Variants in ZNRF3 observed in about 807,000 individuals in gnomAD.
The protein encoded by ZNRF3 is zinc and ring finger 3.
In ZNRF3, 23 loss-of-function variants were observed where a neutral mutation model predicts 72.5. The observed-to-expected ratio is 0.32, with a 90% CI of 0.23 to 0.45. The LOEUF is 0.45. ZNRF3 is among the 20% of genes least tolerant of loss of function. ZNRF3 has a pLI of 1.00. For synonymous variants in ZNRF3, 610 were observed against 545.3 expected (o/e 1.12, Z -1.65); for missense variants, 1,169 against 1,272.1 (o/e 0.92, Z 1.23).
At chr22:28,906,052 TG>T (rs1395418530) in intron 1 of ZNRF3, among the ~76,000 whole-genome samples, 4 of 152,210 alleles carry the variant, frequency 2.6e-5, no homozygotes, top group Admixed American at 1.3e-4. Flanking sequence ...AGGCTAAGCA[TG>T]GTGGCTCACG....
At chr22:28,885,788 A>G (rs572187391) in intron 1 of ZNRF3, among the ~76,000 whole-genome samples, 2 of 152,290 alleles carry the variant, frequency 1.3e-5, no homozygotes, top group African/African-American at 4.8e-5. Flanking sequence ...ATTTAATACA[A>G]AATTAGCAGT....
At chr22:29,001,059 CTTTTTTTTT>C (rs773296494) in intron 2 of ZNRF3, among the ~76,000 whole-genome samples, 262 of 77,940 alleles carry the variant, frequency 3.4e-3, no homozygotes, top group South Asian at 6.3e-3. Flanking sequence ...AAAGCTTTGC[CTTTTTTTTT>C]TTTTTTTTTT....
At position 29,048,251 on chromosome 22, in the gene ZNRF3, G is replaced by T; in HGVS notation, c.913-138G>T. On this transcript the variant is annotated intron_variant, in intron 6 of 8. Transcript: ENST00000544604. This position sits in a 1 kb window ranked among gnomAD's most constrained non-coding sequence, Gnocchi z 4.9. Reference sequence around the variant, plus strand: ...GTGGGCCCTGCTTCTAGGGAATTGAGCCCTAATTGGAGGTGGGGAGGAGAG... The same window carrying T: ...GTGGGCCCTGCTTCTAGGGAATTGATCCCTAATTGGAGGTGGGGAGGAGAG... 1.6e-6 allele frequency: 1 copy of T among 621,188 alleles called. No homozygotes were observed. The highest frequency in any genetic ancestry group is 2.8e-5 in the Admixed American group (1 of 35,242). 38.5% of individuals were successfully genotyped at this position (621,188 alleles called of 1,614,324 possible). A position where few individuals can be genotyped will look rare whatever the true frequency, so the allele number is the denominator to read the frequency against.
At chr22:28,987,783 G>A (rs1049716919) in intron 2 of ZNRF3, among the ~76,000 whole-genome samples, 1 of 151,978 alleles carries the variant, frequency 6.6e-6, no homozygotes, top group Admixed American at 6.5e-5. Context: ...TTGCTGCCAA[G>A]TAAGTTATGG....
chr22:28,978,702 C>T (rs1486085642), intron 1 of ZNRF3, among the ~76,000 whole-genome samples: 1 of 151,688 alleles, frequency 6.6e-6, no homozygotes, highest in Non-Finnish European at 1.5e-5. Flanking sequence ...TCTTGTTTCA[C>T]CTTCACCACC....
chr22:28,952,998 TC>T (rs1481109290), intron 1 of ZNRF3, among the ~76,000 whole-genome samples: 1 of 152,224 alleles, frequency 6.6e-6, no homozygotes, highest in Non-Finnish European at 1.5e-5. Context: ...GTATCAGGTT[TC>T]TGCTTAACTT....
intron 1 of ZNRF3, among the ~76,000 whole-genome samples, chr22:28,959,816 T>C (rs1273478787): frequency 1.3e-5 from 2 of 152,146 alleles, no homozygotes; most frequent in Admixed American, 1.3e-4. Flanking sequence ...TGCTCTCTCT[T>C]TCTCCCCTTG....
At chr22:28,957,596 T>C (rs1160850181) in intron 1 of ZNRF3, among the ~76,000 whole-genome samples, 4 of 151,898 alleles carry the variant, frequency 2.6e-5, no homozygotes, top group Admixed American at 1.3e-4. Flanking sequence ...CACACCACCA[T>C]GTCCAGCTAA....
At chr22:28,977,558 CTG>C (rs2035697373) in intron 1 of ZNRF3, among the ~76,000 whole-genome samples, 1 of 152,182 alleles carries the variant, frequency 6.6e-6, no homozygotes, top group South Asian at 2.1e-4. Context: ...ATGTGAGACT[CTG>C]TACCACAGCG....
In ZNRF3 at chr22:29,050,812, G is replaced by C. The variant is rs776952963; in HGVS notation, c.2631G>C (p.Glu877Asp). The C allele has an allele frequency of 1.2e-6, 2 of 1,608,162 alleles. No individual in the cohort carries two copies. Among genetic ancestry groups the C allele is most frequent in the South Asian group, 2.2e-5 (2 of 90,612 alleles). ...HRGLGATREE[E>D]RALCCQARAL... ...GCCTGGGAGCAACCCGGGAAGAGGA[G>C]CGGGCTCTGTGCTGCCAGGCTAGGG... is the stretch of plus-strand genomic sequence containing the variant. The change falls in exon 8 of 9, where the codon GAG (glutamate) becomes GAC (aspartate). Residue 877 changes from glutamate to aspartate, a missense_variant. Physicochemically the swap from Glu to Asp is conservative, Grantham distance 45 (BLOSUM62 2). Transcript: ENST00000544604.
At chr22:28,938,079 C>T (rs1335767097) in intron 1 of ZNRF3, among the ~76,000 whole-genome samples, 1 of 152,084 alleles carries the variant, frequency 6.6e-6, no homozygotes, top group Non-Finnish European at 1.5e-5. Flanking sequence ...AATGTATTTT[C>T]ATAGGATTCA....
intron 1 of ZNRF3, among the ~76,000 whole-genome samples, chr22:28,979,175 G>A (rs1314284652): frequency 6.6e-6 from 1 of 152,186 alleles, no homozygotes; most frequent in Non-Finnish European, 1.5e-5. Flanking sequence ...TCAACAGGCT[G>A]GTTGCAAAGC....
chr22:28,903,111 C>T (rs2034138187), intron 1 of ZNRF3, among the ~76,000 whole-genome samples: 1 of 152,204 alleles, frequency 6.6e-6, no homozygotes, highest in Non-Finnish European at 1.5e-5. Flanking sequence ...GCTCATTTCT[C>T]CGATTCCCAG....
Position 29,049,060 on chromosome 22 carries a change from G to A in ZNRF3, c.1016-137G>A. 1 of 986,058 alleles carries A rather than the reference G, an allele frequency of 1.0e-6. No homozygotes were observed. The highest frequency in any genetic ancestry group is 1.5e-6 in the Non-Finnish European group (1 of 664,580). The allele number at this position is 986,058 out of a possible 1,614,324, so 61.1% of individuals were successfully genotyped here. A position where few individuals can be genotyped will look rare whatever the true frequency, so the allele number is the denominator to read the frequency against. On this transcript the variant is annotated intron_variant, in intron 7 of 8. Coordinates refer to ENST00000544604, the MANE Select transcript of ZNRF3 (RefSeq NM_001206998.2). The surrounding 1 kb of genome is among the most constrained non-coding windows in gnomAD (Gnocchi z 5.2). ...CTCTGCCGCTGCAGCTCAGTTTGGG[G>A]GCAGGGTTGTGAGAATGGGTACCTT...
intron 2 of ZNRF3, among the ~76,000 whole-genome samples, chr22:29,028,927 T>C (rs562360157): frequency 6.6e-6 from 1 of 152,264 alleles, no homozygotes; most frequent in African/African-American, 2.4e-5. Flanking sequence ...TCCAAACCAT[T>C]CCCAGCATCC....
chr22:29,011,988 G>C (rs2036355341), intron 2 of ZNRF3, among the ~76,000 whole-genome samples: 1 of 152,204 alleles, frequency 6.6e-6, no homozygotes, highest in South Asian at 2.1e-4. Flanking sequence ...CCACAGCCGG[G>C]GGACCCTGCA....
At chr22:28,998,896 C>G (rs2036093047) in intron 2 of ZNRF3, among the ~76,000 whole-genome samples, 1 of 152,142 alleles carries the variant, frequency 6.6e-6, no homozygotes, top group Admixed American at 6.5e-5. Context: ...GGAAGCCTAG[C>G]TCTAGACACT....
intron 1 of ZNRF3, among the ~76,000 whole-genome samples, chr22:28,983,383 C>T (rs1459997405): frequency 6.6e-6 from 1 of 152,204 alleles, no homozygotes; most frequent in Non-Finnish European, 1.5e-5. Flanking sequence ...CCCGGACACG[C>T]TCTCCACATG....
chr22:29,048,966 G>A lies in ZNRF3; in HGVS notation c.1016-231G>A, dbSNP rs866614622. On this transcript the variant is annotated intron_variant, in intron 7 of 8. Coordinates refer to ENST00000544604, the MANE Select transcript of ZNRF3 (RefSeq NM_001206998.2). The surrounding 1 kb of genome is among the most constrained non-coding windows in gnomAD (Gnocchi z 4.9). ...GACTTCTGTGGTGCCCTGTCAGGCA[G>A]AGCAGTGGGGAGTTGGGAGCGGGGC... Among the ~76,000 whole-genome samples the A allele has an allele frequency of 1.8e-4, 27 of 152,318 alleles. No homozygotes were observed. Among genetic ancestry groups the A allele is most frequent in the Middle Eastern group, 3.4e-3 (1 of 292 alleles).
Sources: gnomAD v4.1 joint callset for allele counts (sites outside exome capture counted in the v4.1 genomes callset) on GRCh38, gnomAD v4.1.1 for gene constraint, Gnocchi (gnomAD v3.1) non-coding constraint, MANE v1.5 for transcripts, NCBI Gene and HGNC (gene_info 2026-07-23, HGNC 2026-07-21) for gene names.